The following FNDC3B variants were observed in gnomAD, a reference collection of about 807,000 sequenced individuals.
The protein encoded by FNDC3B is fibronectin type III domain-containing protein 3B.
A neutral mutation model predicts 151.5 loss-of-function variants in FNDC3B; 12 were observed. The ratio of observed to expected loss-of-function variants is 0.08; its 90% CI spans 0.05 to 0.13. The LOEUF (loss-of-function observed/expected upper bound fraction) is 0.13, where lower values mean the gene tolerates loss of function less well. Among genes scored for constraint, FNDC3B ranks in the 10% least tolerant of loss-of-function variants. FNDC3B has a pLI of 1.00. For missense variants in FNDC3B, 1,214 were observed against 1,505.3 expected (o/e 0.81, Z 3.20); for synonymous variants, 528 against 549.0 (o/e 0.96, Z 0.54).
At position 172,110,181 on chromosome 3, in the gene FNDC3B, C is replaced by T. The variant is rs552856802; in HGVS notation, c.-28-2271C>T. On this transcript the variant is annotated intron_variant, in intron 1 of 25. Coordinates refer to ENST00000415807, the MANE Select transcript of FNDC3B (RefSeq NM_022763.4). ...GTGTTGTTGGTGTTCAGACATTCTTCGGTACTAGAGACAGGAGACCAGGAA... is the reference window on the plus strand; with the variant it reads ...GTGTTGTTGGTGTTCAGACATTCTTTGGTACTAGAGACAGGAGACCAGGAA... Among the ~76,000 whole-genome samples the T allele has an allele frequency of 2.0e-5, 3 of 152,244 alleles. No individual in the cohort carries two copies. The East Asian group carries it at 5.8e-4, about 29-fold the overall frequency.
At chr3:172,080,455 T>C (rs1175448947) in intron 1 of FNDC3B, among the ~76,000 whole-genome samples, 2 of 151,952 alleles carry the variant, frequency 1.3e-5, no homozygotes, top group African/African-American at 4.8e-5. Flanking sequence ...TTTTTTTTTT[T>C]TCTAGAGATG....
chr3:172,193,373 T>G (rs1183407821), intron 3 of FNDC3B, among the ~76,000 whole-genome samples: 1 of 127,566 alleles, frequency 7.8e-6, no homozygotes, highest in East Asian at 2.2e-4. Flanking sequence ...TCTATAATTT[T>G]TTTCAAGATA....
At chr3:172,096,657 T>G (rs543371161) in intron 1 of FNDC3B, among the ~76,000 whole-genome samples, 1 of 99,398 alleles carries the variant, frequency 1.0e-5, no homozygotes, top group South Asian at 2.7e-4. Context: ...GATTATAATC[T>G]GTAGCCCCTT....
At chr3:172,081,645 A>C (rs1334604387) in intron 1 of FNDC3B, among the ~76,000 whole-genome samples, 1 of 152,210 alleles carries the variant, frequency 6.6e-6, no homozygotes, top group Non-Finnish European at 1.5e-5. Context: ...TGCTGAATAC[A>C]CTTTTGGATG....
At chr3:172,219,804 A>G (rs1726176062) in intron 3 of FNDC3B, among the ~76,000 whole-genome samples, 2 of 152,106 alleles carry the variant, frequency 1.3e-5, no homozygotes, top group African/African-American at 4.8e-5. Flanking sequence ...ATTCCTTTTT[A>G]TGGTGGAGTA....
chr3:172,376,631 C>G (rs974432150), intron 23 of FNDC3B, among the ~76,000 whole-genome samples: 6 of 152,104 alleles, frequency 3.9e-5, no homozygotes, highest in African/African-American at 1.4e-4. Context: ...GTCAAGAGTG[C>G]TAAATAGGTT....
intron 1 of FNDC3B, among the ~76,000 whole-genome samples, chr3:172,079,979 T>TA (rs1718198370): frequency 1.3e-5 from 2 of 152,136 alleles, no homozygotes; most frequent in South Asian, 4.1e-4. Context: ...AAAAGTTTGT[T>TA]AAATGCCCAG....
intron 3 of FNDC3B, among the ~76,000 whole-genome samples, chr3:172,225,074 C>T (rs1726480808): frequency 6.6e-6 from 1 of 152,160 alleles, no homozygotes. Context: ...TAACCTTTGC[C>T]ATTTGTTGTT....
intron 2 of FNDC3B, among the ~76,000 whole-genome samples, chr3:172,123,793 G>A (rs1236934993): frequency 6.6e-6 from 1 of 152,150 alleles, no homozygotes; most frequent in Non-Finnish European, 1.5e-5. Context: ...ATGACTGAAT[G>A]TAAAACTATA....
chr3:172,146,574 G>A (rs1721918422), intron 3 of FNDC3B, among the ~76,000 whole-genome samples: 1 of 152,122 alleles, frequency 6.6e-6, no homozygotes, highest in Non-Finnish European at 1.5e-5. Context: ...AGAAGCTCTG[G>A]TTAACGTAAC....
intron 3 of FNDC3B, among the ~76,000 whole-genome samples, chr3:172,196,641 C>T (rs1160676982): frequency 6.6e-6 from 1 of 152,000 alleles, no homozygotes; most frequent in Non-Finnish European, 1.5e-5. Flanking sequence ...GATCTGACCC[C>T]TGGGAGAGCT....
At chr3:172,283,469 T>C (rs138774696) in intron 6 of FNDC3B, among the ~76,000 whole-genome samples, 1 of 152,208 alleles carries the variant, frequency 6.6e-6, no homozygotes, top group African/African-American at 2.4e-5. Context: ...CCCTTCCTTG[T>C]GTGTTGAGTA....
chr3:172,293,114 A>C (rs1245201112), intron 7 of FNDC3B, among the ~76,000 whole-genome samples: 3 of 152,210 alleles, frequency 2.0e-5, no homozygotes, highest in Admixed American at 1.3e-4. Context: ...GCCAAAGATC[A>C]TACCTTAATC....
chr3:172,091,837 C>A (rs1472760590), intron 1 of FNDC3B, among the ~76,000 whole-genome samples: 1 of 147,934 alleles, frequency 6.8e-6, no homozygotes, highest in South Asian at 2.1e-4. Flanking sequence ...TGTGTAGCTT[C>A]TAGTAATATT....
At chr3:172,244,506 G>A (rs1465468919) in intron 4 of FNDC3B, among the ~76,000 whole-genome samples, 1 of 150,362 alleles carries the variant, frequency 6.7e-6, no homozygotes, top group Non-Finnish European at 1.5e-5. Context: ...CTTAGATGTA[G>A]ATCAAAGCTG....
intron 8 of FNDC3B, among the ~76,000 whole-genome samples, chr3:172,295,815 T>C (rs1313911447): frequency 6.6e-6 from 1 of 152,246 alleles, no homozygotes; most frequent in East Asian, 1.9e-4. Context: ...TTATGACTTT[T>C]AGTTTTTGCA....
intron 1 of FNDC3B, among the ~76,000 whole-genome samples, chr3:172,078,355 T>G (rs1170817842): frequency 1.3e-5 from 2 of 152,212 alleles, no homozygotes; most frequent in East Asian, 3.8e-4. Flanking sequence ...AGATGACACT[T>G]TGTACTAATT....
intron 16 of FNDC3B, 73 bp from the exon 17 acceptor site, chr3:172,341,040 T>C: frequency 2.0e-6 from 2 of 981,820 alleles, no homozygotes; most frequent in East Asian, 2.4e-5. Flanking sequence ...ATAGAGCTTT[T>C]TCTTGTCAGC....
At chr3:172,248,345 G>T (rs990408605) in intron 5 of FNDC3B, among the ~76,000 whole-genome samples, 1 of 152,152 alleles carries the variant, frequency 6.6e-6, no homozygotes, top group African/African-American at 2.4e-5. Flanking sequence ...GTAGCCATTA[G>T]TGCAGCCGCA....
Sources: allele counts gnomAD v4.1 joint callset (sites outside exome capture counted in the v4.1 genomes callset), GRCh38; gene constraint gnomAD v4.1.1; transcripts MANE v1.5; gene names NCBI Gene and HGNC (gene_info 2026-07-23, HGNC 2026-07-21).